LRRTM4: variants seen among roughly 807,000 people sequenced by gnomAD.
LRRTM4 encodes leucine rich repeat transmembrane neuronal 4, also known as leucine-rich repeat transmembrane neuronal protein 4.
Under a neutral mutation model 47.6 loss-of-function variants are expected in LRRTM4, and 25 were observed. The ratio of observed to expected loss-of-function variants is 0.53; its 90% CI spans 0.38 to 0.73. The LOEUF (loss-of-function observed/expected upper bound fraction) is 0.73, where lower values mean the gene tolerates loss of function less well. Ranked by LOEUF, LRRTM4 falls within the 30% of genes least tolerant of loss-of-function variation. The pLI is 0.00. For missense variants in LRRTM4, 638 were observed against 713.4 expected (o/e 0.89, Z 1.20); for synonymous variants, 311 against 269.5 (o/e 1.15, Z -1.51).
intron 3 of LRRTM4, among the ~76,000 whole-genome samples, chr2:77,056,245 TAG>T (rs56250430): frequency 0.22 from 32,885 of 151,888 alleles, 3,697 homozygotes; most frequent in East Asian, 0.3. Flanking sequence ...TAAGGCAGTT[TAG>T]AGAGACCAAT....
intron 3 of LRRTM4, among the ~76,000 whole-genome samples, chr2:77,148,597 A>T (rs184187153): frequency 9.8e-5 from 15 of 152,314 alleles, no homozygotes; most frequent in Non-Finnish European, 1.5e-5. Context: ...AGGCAAACAA[A>T]GAATGAAAAA....
chr2:76,857,361 CTTG>C (rs1672184557), intron 3 of LRRTM4, among the ~76,000 whole-genome samples: 1 of 146,950 alleles, frequency 6.8e-6, no homozygotes, highest in Non-Finnish European at 1.5e-5. Context: ...CAATACATGG[CTTG>C]TTTTGATATT....
intron 3 of LRRTM4, among the ~76,000 whole-genome samples, chr2:77,279,881 AC>A (rs1333251594): frequency 1.3e-5 from 2 of 151,966 alleles, no homozygotes; most frequent in African/African-American, 2.4e-5. Flanking sequence ...GAGGAAAAAA[AC>A]AATACTTGTC....
At position 76,807,476 on chromosome 2, in the gene LRRTM4, A is replaced by ATATG. The variant is rs1269633342; in HGVS notation, c.1552-58561_1552-58560insCATA. 3.5e-3 allele frequency among the ~76,000 whole-genome samples: 476 copies of ATATG among 136,962 alleles called. 9 individuals carry two copies. The highest frequency in any genetic ancestry group is 0.013 in the African/African-American group (456 of 33,838). The allele number at this position is 136,962 out of a possible 152,430, so 89.9% of individuals were successfully genotyped here. ...TATATATACATATATATATACATAT[A>ATATG]TATATATATACATATATATATATAT... On this transcript the variant is annotated intron_variant, in intron 3 of 3. Coordinates refer to ENST00000409884, the MANE Select transcript of LRRTM4 (RefSeq NM_001134745.3).
chr2:77,016,677 C>T (rs578047729), intron 3 of LRRTM4, among the ~76,000 whole-genome samples: 34 of 152,072 alleles, frequency 2.2e-4, no homozygotes, highest in Non-Finnish European at 4.3e-4. Flanking sequence ...TAAACTTCCC[C>T]CAGTAGAGGC....
At chr2:77,065,641 C>A (rs185479652) in intron 3 of LRRTM4, among the ~76,000 whole-genome samples, 1 of 152,138 alleles carries the variant, frequency 6.6e-6, no homozygotes, top group East Asian at 1.9e-4. Context: ...GGCTGTGATT[C>A]AGGAGAAATA....
chr2:77,125,238 T>A (rs932095948), intron 3 of LRRTM4, among the ~76,000 whole-genome samples: 5 of 152,192 alleles, frequency 3.3e-5, no homozygotes, highest in Admixed American at 3.3e-4. Flanking sequence ...ATTTAGGACG[T>A]CATCTGTGAA....
At chr2:77,223,107 C>A (rs774823477) in intron 3 of LRRTM4, among the ~76,000 whole-genome samples, 3 of 151,980 alleles carry the variant, frequency 2.0e-5, no homozygotes, top group African/African-American at 7.3e-5. Context: ...AGAAAAAAAA[C>A]CACACAATTA....
At chr2:76,789,112 A>C (rs536644589) in intron 3 of LRRTM4, among the ~76,000 whole-genome samples, 1 of 152,238 alleles carries the variant, frequency 6.6e-6, no homozygotes, top group East Asian at 1.9e-4. Flanking sequence ...AGAGATGCTA[A>C]GTTCCAGCCC....
chr2:76,797,222 C>T (rs555274609), intron 3 of LRRTM4, among the ~76,000 whole-genome samples: 88 of 152,124 alleles, frequency 5.8e-4, no homozygotes, highest in African/African-American at 1.6e-3. Context: ...AGAGAAAGGT[C>T]GGGTTACCCT....
intron 3 of LRRTM4, among the ~76,000 whole-genome samples, chr2:76,903,995 A>G (rs889620880): frequency 6.6e-6 from 1 of 152,226 alleles, no homozygotes; most frequent in Non-Finnish European, 1.5e-5. Flanking sequence ...TAGGAATCCA[A>G]TTTAGTGAAA....
intron 3 of LRRTM4, among the ~76,000 whole-genome samples, chr2:77,096,109 G>C (rs1670804924): frequency 6.6e-6 from 1 of 151,816 alleles, no homozygotes; most frequent in Non-Finnish European, 1.5e-5. Context: ...TGTATGCATA[G>C]ATCAAATCAT....
Position 77,207,866 on chromosome 2 carries a change from C to CTTTTTTTTTTTTTTTTTTTTT in LRRTM4, c.1551+310431_1551+310451dup, listed in dbSNP as rs754540782. Reference sequence around the variant, plus strand: ...ATGAAAGTTGAATAAGGGAAAGTGGCTTTTTTTTTTTTTTTTTTTTTTTTT... The same window carrying CTTTTTTTTTTTTTTTTTTTTT: ...ATGAAAGTTGAATAAGGGAAAGTGGCTTTTTTTTTTTTTTTTTTTTTTTTTTTTTTTTTTTTTTTTTTTTTT... On this transcript the variant is annotated intron_variant, in intron 3 of 3. Coordinates refer to ENST00000409884, the MANE Select transcript of LRRTM4 (RefSeq NM_001134745.3). 9.4e-5 allele frequency among the ~76,000 whole-genome samples: 4 copies of CTTTTTTTTTTTTTTTTTTTTT among 42,614 alleles called. 1 individual carries two copies. Among genetic ancestry groups the CTTTTTTTTTTTTTTTTTTTTT allele is most frequent in the African/African-American group, 2.0e-4 (2 of 10,022 alleles). The allele number at this position is 42,614 out of a possible 152,430, so 28.0% of individuals were successfully genotyped here.
chr2:77,360,732 G>A (rs148273122), intron 3 of LRRTM4, among the ~76,000 whole-genome samples: 129 of 152,150 alleles, frequency 8.5e-4, no homozygotes, highest in African/African-American at 3.0e-3. Context: ...GCATTACAAT[G>A]TAACTAAATG....
chr2:77,368,325 G>A (rs1206136257), intron 3 of LRRTM4, among the ~76,000 whole-genome samples: 1 of 151,758 alleles, frequency 6.6e-6, no homozygotes, highest in African/African-American at 2.4e-5. Flanking sequence ...GGATAAAGAA[G>A]AAAACATATG....
chr2:76,796,174 A>G lies in LRRTM4; in HGVS notation c.1552-47258T>C, dbSNP rs1193607902. On this transcript the variant is annotated intron_variant, in intron 3 of 3. Coordinates refer to ENST00000409884, the MANE Select transcript of LRRTM4 (RefSeq NM_001134745.3). Reference sequence around the variant, plus strand: ...ATGGCTCGCAGGGTCCTACGCCCACAGAGCCTCGCTGATTGCTAGCACAGC... The same window carrying G: ...ATGGCTCGCAGGGTCCTACGCCCACGGAGCCTCGCTGATTGCTAGCACAGC... 7.0e-5 allele frequency among the ~76,000 whole-genome samples: 10 copies of G among 143,496 alleles called. 1 individual carries two copies. The highest frequency in any genetic ancestry group is 2.0e-4 in the East Asian group (1 of 4,992). 94.1% of individuals were successfully genotyped at this position (143,496 alleles called of 152,430 possible).
chr2:76,980,346 G>A (rs1315470604), intron 3 of LRRTM4, among the ~76,000 whole-genome samples: 9 of 152,068 alleles, frequency 5.9e-5, no homozygotes, highest in Admixed American at 1.3e-4. Context: ...TTTTGTTCAA[G>A]CTAATAAAAG....
intron 3 of LRRTM4, among the ~76,000 whole-genome samples, chr2:77,501,627 G>GA (rs911280504): frequency 2.7e-5 from 4 of 150,436 alleles, no homozygotes; most frequent in African/African-American, 9.7e-5. Context: ...ATAAAATATA[G>GA]AATAATTTAT....
intron 3 of LRRTM4, among the ~76,000 whole-genome samples, chr2:76,817,980 C>G (rs1022119137): frequency 6.6e-6 from 1 of 151,898 alleles, no homozygotes; most frequent in Admixed American, 6.6e-5. Context: ...GGGTTTCATG[C>G]TCTTTTAAAC....
Sources: gnomAD v4.1 joint callset for allele counts (sites outside exome capture counted in the v4.1 genomes callset) on GRCh38, gnomAD v4.1.1 for gene constraint, MANE v1.5 for transcripts, NCBI Gene and HGNC (gene_info 2026-07-23, HGNC 2026-07-21) for gene names.